The following SLC6A6 variants were observed in gnomAD, a reference collection of about 807,000 sequenced individuals.
The protein encoded by SLC6A6 is sodium- and chloride-dependent taurine transporter.
In SLC6A6, 16 loss-of-function variants were observed where a neutral mutation model predicts 68.8. That is an observed-to-expected ratio of 0.23 (90% CI 0.16 to 0.35). The LOEUF is 0.35. Among genes scored for constraint, SLC6A6 ranks in the 10% least tolerant of loss-of-function variants. SLC6A6 has a pLI of 1.00. For synonymous variants in SLC6A6, 312 were observed against 315.4 expected (o/e 0.99, Z 0.12); for missense variants, 474 against 802.8 (o/e 0.59, Z 4.95).
intron 2 of SLC6A6, among the ~76,000 whole-genome samples, chr3:14,426,507 C>G (rs1248401855): frequency 6.6e-6 from 1 of 152,178 alleles, no homozygotes; most frequent in African/African-American, 2.4e-5. Context: ...CCATTAGACT[C>G]TAAGATGCTA....
intron 1 of SLC6A6, among the ~76,000 whole-genome samples, chr3:14,403,091 T>A (rs925263210): frequency 8.6e-5 from 11 of 128,198 alleles, no homozygotes; most frequent in Admixed American, 2.2e-4. Flanking sequence ...TGTGTGTGTG[T>A]GTGTGTGTGT....
chr3:14,443,870 T>C lies in SLC6A6; in HGVS notation c.229+7T>C, dbSNP rs1199351779. ...TGCTACAAGAATGGTGGAGGTGAGC[T>C]TGGGCCGGGCCACAGGGGAGCCCAT... On this transcript the variant is annotated splice_region_variant and intron_variant, in intron 3 of 14. Transcript: ENST00000622186. 1 of 1,602,448 alleles carries C rather than the reference T, an allele frequency of 6.2e-7. No homozygotes were observed.
rs376703210 is a variant in SLC6A6 at position 14,481,667 on chromosome 3, G to T, written c.1552-4G>T. The T allele has an allele frequency of 6.4e-7, 1 of 1,564,848 alleles. No individual in the cohort carries two copies. Among genetic ancestry groups the T allele is most frequent in the Non-Finnish European group, 8.7e-7 (1 of 1,146,422 alleles). ...CTCTCCTGACTGCCCCCATCTCTCC[G>T]CAGGGATGTTTCATCTTCTCGCTCG... is the stretch of plus-strand genomic sequence containing the variant. On this transcript the variant is annotated splice_polypyrimidine_tract_variant and splice_region_variant and intron_variant, in intron 13 of 14. Transcript: ENST00000622186. This position sits in a 1 kb window ranked among gnomAD's most constrained non-coding sequence, Gnocchi z 4.7.
chr3:14,409,030 G>T (rs1574903661), intron 1 of SLC6A6, among the ~76,000 whole-genome samples: 1 of 152,108 alleles, frequency 6.6e-6, no homozygotes, highest in Admixed American at 6.5e-5. Context: ...GGATGGTCTC[G>T]ATCTCCTGAC....
chr3:14,468,488 G>GC lies in SLC6A6; in HGVS notation c.1096+283dup, dbSNP rs1166503872. Among the ~76,000 whole-genome samples, 64 of 151,392 alleles carry GC rather than the reference G, an allele frequency of 4.2e-4. No individual in the cohort carries two copies. Among genetic ancestry groups the GC allele is most frequent in the South Asian group, 1.5e-3 (7 of 4,766 alleles). On this transcript the variant is annotated intron_variant, in intron 9 of 14. Coordinates refer to ENST00000622186, the MANE Select transcript of SLC6A6 (RefSeq NM_003043.6). This position sits in a 1 kb window ranked among gnomAD's most constrained non-coding sequence, Gnocchi z 4.5. The stretch of plus-strand genomic sequence containing the variant: ...TAGCTACCTTAGTGTGGTCTTCCCC[G>GC]CCCCCCCGTCCTTCCCCAGCAAACT...
chr3:14,435,790 A>G (rs562198700), intron 2 of SLC6A6, among the ~76,000 whole-genome samples: 2 of 152,364 alleles, frequency 1.3e-5, no homozygotes, highest in East Asian at 3.9e-4. Context: ...GTGTGTGTGC[A>G]TATAAACCAG....
chr3:14,420,919 G>T (rs1297381192), intron 2 of SLC6A6, among the ~76,000 whole-genome samples: 1 of 152,258 alleles, frequency 6.6e-6, no homozygotes, highest in Non-Finnish European at 1.5e-5. Flanking sequence ...GTCTGGCAAA[G>T]CTGAAGCCAG....
intron 1 of SLC6A6, among the ~76,000 whole-genome samples, chr3:14,410,201 AT>A (rs1439391462): frequency 6.9e-6 from 1 of 144,446 alleles, no homozygotes; most frequent in Non-Finnish European, 1.5e-5. Context: ...AAAAAAAGCC[AT>A]TGTTCACAGA....
chr3:14,413,996 AC>A (rs1348573043), intron 1 of SLC6A6, among the ~76,000 whole-genome samples: 2 of 151,998 alleles, frequency 1.3e-5, no homozygotes, highest in African/African-American at 4.8e-5. Context: ...GAGTCACCAC[AC>A]CCGGCCTAAA....
chr3:14,452,480 C>T (rs991715854), intron 5 of SLC6A6, among the ~76,000 whole-genome samples: 2 of 152,226 alleles, frequency 1.3e-5, no homozygotes, highest in African/African-American at 4.8e-5. Context: ...AGCACTGCAT[C>T]CTGCCTCCAG....
At position 14,481,869 on chromosome 3, in the gene SLC6A6, A is replaced by G; in HGVS notation, c.1722+28A>G. On this transcript the variant is annotated intron_variant, in intron 14 of 14. Transcript: ENST00000622186. This position sits in a 1 kb window ranked among gnomAD's most constrained non-coding sequence, Gnocchi z 4.7. ...AAGTGCTTGGGCCCAGGGCCAGGGG[A>G]GGTGGGAGGCGCGAGGCCAAAGGTG... 6.3e-7 allele frequency: 1 copy of G among 1,599,770 alleles called. No homozygotes were observed.
chr3:14,485,279 G>T lies in SLC6A6; in HGVS notation c.*272G>T. On this transcript the variant is annotated 3_prime_UTR_variant, in exon 15 of 15. Transcript: ENST00000622186. Reference sequence around the variant, plus strand: ...GAGGCAGAGCTTTCATACTGAATTAGATGTATTTTATGGGAATTTGGTAAA... The same window carrying T: ...GAGGCAGAGCTTTCATACTGAATTATATGTATTTTATGGGAATTTGGTAAA... 1 of 292,672 alleles carries T rather than the reference G, an allele frequency of 3.4e-6. No individual in the cohort carries two copies. The highest frequency in any genetic ancestry group is 6.3e-6 in the Non-Finnish European group (1 of 158,988). The allele number at this position is 292,672 out of a possible 1,614,324, so 18.1% of individuals were successfully genotyped here. A position where few individuals can be genotyped will look rare whatever the true frequency, so the allele number is the denominator to read the frequency against.
intron 6 of SLC6A6, among the ~76,000 whole-genome samples, chr3:14,465,512 G>A (rs946249540): frequency 1.7e-4 from 26 of 152,210 alleles, no homozygotes; most frequent in Non-Finnish European, 3.1e-4. Flanking sequence ...CTACTGAGTG[G>A]CAGTGTTACA....
chr3:14,476,890 G>C (rs1700890269), intron 10 of SLC6A6, among the ~76,000 whole-genome samples: 1 of 152,242 alleles, frequency 6.6e-6, no homozygotes, highest in African/African-American at 2.4e-5. Context: ...GCTCAGCTTT[G>C]GAGGATGGGG....
intron 4 of SLC6A6, 38 bp downstream of exon 4, chr3:14,445,889 C>T: frequency 6.2e-7 from 1 of 1,608,162 alleles, no homozygotes; most frequent in Non-Finnish European, 8.5e-7. Context: ...GCCTGGCACT[C>T]ATCAGTTCCA....
rs976371641 is a variant in SLC6A6 at position 14,402,827 on chromosome 3, G to C, written c.-74G>C. ...CCCGGCACAGCCGAGCAGAGCGCGG[G>C]CGGCGCCGCAGCCACCCCAGGTACC... On this transcript the variant is annotated 5_prime_UTR_variant, in exon 1 of 15. Coordinates refer to ENST00000622186, the MANE Select transcript of SLC6A6 (RefSeq NM_003043.6). This position sits in a 1 kb window ranked among gnomAD's most constrained non-coding sequence, Gnocchi z 4.8. 16 of 397,186 alleles carry C rather than the reference G, an allele frequency of 4.0e-5. No homozygotes were observed. The highest frequency in any genetic ancestry group is 6.7e-5 in the Non-Finnish European group (15 of 225,174). The allele number at this position is 397,186 out of a possible 1,614,324, so 24.6% of individuals were successfully genotyped here.
At chr3:14,479,440 G>A (rs1700958717) in intron 13 of SLC6A6, among the ~76,000 whole-genome samples, 1 of 152,164 alleles carries the variant, frequency 6.6e-6, no homozygotes, top group African/African-American at 2.4e-5. Flanking sequence ...GCCTGTGCGG[G>A]GCCAAGGCAT....
Position 14,418,951 on chromosome 3 carries a change from G to A in SLC6A6, c.-12+2498G>A, listed in dbSNP as rs79603045. Among the ~76,000 whole-genome samples the A allele has an allele frequency of 3.2e-3, 484 of 152,260 alleles. 3 individuals are homozygous for A. The highest frequency in any genetic ancestry group is 0.011 in the African/African-American group (458 of 41,560). Reference sequence around the variant, plus strand: ...GGGCCCAGCCCCTTCCCCTTCCCCCGGGACTTCCTCCTGGTTAATGAGTAG... The same window carrying A: ...GGGCCCAGCCCCTTCCCCTTCCCCCAGGACTTCCTCCTGGTTAATGAGTAG... On this transcript the variant is annotated intron_variant, in intron 2 of 14. Transcript: ENST00000622186.
In SLC6A6 at chr3:14,454,677, A is replaced by G. The variant is rs1700331159; in HGVS notation, c.600-3273A>G. ...ACGTGGCCCGTTATAAAGCTTTTCA[A>G]GAATTTAAAATAACTTTTATAAAGG... On this transcript the variant is annotated intron_variant, in intron 5 of 14. Coordinates refer to ENST00000622186, the MANE Select transcript of SLC6A6 (RefSeq NM_003043.6). 2.6e-5 allele frequency among the ~76,000 whole-genome samples: 4 copies of G among 152,240 alleles called. No individual in the cohort carries two copies. In the South Asian group the frequency reaches 8.3e-4, roughly 31 times the overall value.
Sources: gnomAD v4.1 joint callset for allele counts (sites outside exome capture counted in the v4.1 genomes callset) on GRCh38, gnomAD v4.1.1 for gene constraint, Gnocchi (gnomAD v3.1) non-coding constraint, MANE v1.5 for transcripts, NCBI Gene and HGNC (gene_info 2026-07-23, HGNC 2026-07-21) for gene names.